Variants in WDR7 observed in about 807,000 individuals in gnomAD.
WDR7 encodes WD repeat domain 7, also known as WD repeat-containing protein 7.
WDR7 carries 46 observed loss-of-function variants against 169.4 expected under a neutral mutation model. The ratio of observed to expected loss-of-function variants is 0.27; its 90% CI spans 0.21 to 0.35. WDR7 has a LOEUF of 0.35. Among genes scored for constraint, WDR7 ranks in the 10% least tolerant of loss-of-function variants. The probability of loss-of-function intolerance (pLI) is 1.00; values close to 1 mark genes in which losing one functional copy is unlikely to be tolerated. For missense variants in WDR7, 1,534 were observed against 1,859.3 expected (o/e 0.83, Z 3.22); for synonymous variants, 612 against 666.8 (o/e 0.92, Z 1.27).
intron 12 of WDR7, among the ~76,000 whole-genome samples, chr18:56,710,217 A>T (rs1365742947): frequency 6.6e-6 from 1 of 151,944 alleles, no homozygotes; most frequent in Non-Finnish European, 1.5e-5. Flanking sequence ...GTTAGCCAGG[A>T]TGGTCTTGAT....
At chr18:56,853,266 G>A (rs1369100556) in intron 20 of WDR7, among the ~76,000 whole-genome samples, 1 of 152,052 alleles carries the variant, frequency 6.6e-6, no homozygotes, top group Non-Finnish European at 1.5e-5. Flanking sequence ...TTCTTATAGG[G>A]AATTTTATAG....
chr18:56,691,206 T>C lies in WDR7; in HGVS notation c.718-10T>C, dbSNP rs373897938. 1 of 1,601,826 alleles carries C rather than the reference T, an allele frequency of 6.2e-7. No individual in the cohort carries two copies. The highest frequency in any genetic ancestry group is 1.4e-5 in the African/African-American group (1 of 73,868). ...ATGGAGTAGATTGTGAATTTCTTTC[T>C]TCCTTGCAGGTGTTCGATGCCGGAG... is the stretch of plus-strand genomic sequence containing the variant. On this transcript the variant is annotated splice_polypyrimidine_tract_variant and intron_variant, in intron 7 of 27. Coordinates refer to ENST00000254442, the MANE Select transcript of WDR7 (RefSeq NM_015285.3).
intron 21 of WDR7, among the ~76,000 whole-genome samples, chr18:56,890,481 C>T (rs959119747): frequency 1.3e-5 from 2 of 152,042 alleles, no homozygotes; most frequent in African/African-American, 4.8e-5. Flanking sequence ...AGCAAGCTTA[C>T]GACAATGCCA....
intron 25 of WDR7, among the ~76,000 whole-genome samples, chr18:56,954,223 A>C (rs541859714): frequency 6.6e-6 from 1 of 152,368 alleles, no homozygotes; most frequent in South Asian, 2.1e-4. Flanking sequence ...TTAACTGATT[A>C]ACTTTTAGTT....
intron 26 of WDR7, among the ~76,000 whole-genome samples, chr18:56,978,137 T>C (rs1004704938): frequency 6.6e-6 from 1 of 152,226 alleles, no homozygotes; most frequent in African/African-American, 2.4e-5. Flanking sequence ...AATACAGGCA[T>C]GTGGACTGTC....
intron 19 of WDR7, 132 bp downstream of exon 19, chr18:56,781,788 T>C (rs1381899038): frequency 8.9e-6 from 9 of 1,010,626 alleles, no homozygotes; most frequent in Non-Finnish European, 1.2e-5. Flanking sequence ...GAACAGATCC[T>C]CAAATTCACT....
chr18:56,781,641 G>C lies in WDR7; in HGVS notation c.3175G>C (p.Asp1059His), dbSNP rs145727001. The change falls in exon 19 of 28, where the codon GAC becomes CAC. Residue 1059 changes from aspartate (D) to histidine (H), a missense_variant. Coordinates refer to ENST00000254442, the MANE Select transcript of WDR7 (RefSeq NM_015285.3). ...AWAPYLPQYI[D>H]HVISPGVTSE... ...GGCTCCTTACTTACCTCAGTACATA[G>C]ACCACGTCATATCACGTAAGAGTTC... 138 of 1,604,356 alleles carry C rather than the reference G, an allele frequency of 8.6e-5. No homozygotes were observed. The highest frequency in any genetic ancestry group is 1.0e-4 in the Non-Finnish European group (122 of 1,175,386).
intron 26 of WDR7, among the ~76,000 whole-genome samples, chr18:56,968,610 A>G (rs76942320): frequency 0.042 from 6,369 of 152,292 alleles, 443 homozygotes; most frequent in African/African-American, 0.14. Flanking sequence ...TGGTATCTAC[A>G]GCACTATGGC....
chr18:56,900,082 G>GTATATATATATATATATA (rs1191116351), intron 21 of WDR7, among the ~76,000 whole-genome samples: 2 of 32,048 alleles, frequency 6.2e-5, no homozygotes, highest in African/African-American at 1.2e-4. Flanking sequence ...GTGTGTGTGT[G>GTATATATATATATATATA]TATATATATA....
rs74182165 is a variant in WDR7, at chr18:56,987,285, CAAAAAA to C, written c.4164+24777_4164+24782del. ...AAAGGTTAAGCCTTATCATCTGTACCAAAAAAAAAAAAAAAAAAAAAAAAAAGGTGA... is the reference window on the plus strand; with the variant it reads ...AAAGGTTAAGCCTTATCATCTGTACCAAAAAAAAAAAAAAAAAAAAGGTGA... On this transcript the variant is annotated intron_variant, in intron 26 of 27. Transcript: ENST00000254442. 5.8e-3 allele frequency among the ~76,000 whole-genome samples: 437 copies of C among 75,270 alleles called. 2 individuals are homozygous for C. Among genetic ancestry groups the C allele is most frequent in the Non-Finnish European group, 8.8e-3 (353 of 39,910 alleles). The allele number at this position is 75,270 out of a possible 152,430, so 49.4% of individuals were successfully genotyped here.
At chr18:56,952,216 C>T (rs1195533901) in intron 25 of WDR7, among the ~76,000 whole-genome samples, 4 of 152,176 alleles carry the variant, frequency 2.6e-5, no homozygotes, top group Admixed American at 1.3e-4. Flanking sequence ...GGTGAGACAG[C>T]GAATTCCAGG....
intron 21 of WDR7, among the ~76,000 whole-genome samples, chr18:56,890,660 T>C (rs1363572025): frequency 6.6e-6 from 1 of 152,166 alleles, no homozygotes; most frequent in East Asian, 1.9e-4. Flanking sequence ...GCCATAGAGA[T>C]TGCATTTCTG....
At chr18:56,947,205 G>A (rs1281225202) in intron 25 of WDR7, among the ~76,000 whole-genome samples, 1 of 152,108 alleles carries the variant, frequency 6.6e-6, no homozygotes, top group Non-Finnish European at 1.5e-5. Context: ...AAACGTATTA[G>A]CCACAAGACT....
At chr18:56,785,272 T>C (rs1003583198) in intron 19 of WDR7, among the ~76,000 whole-genome samples, 1 of 152,224 alleles carries the variant, frequency 6.6e-6, no homozygotes, top group Non-Finnish European at 1.5e-5. Flanking sequence ...ACCATTGTCA[T>C]TAATGTTTGA....
At chr18:56,811,545 A>G (rs1415227056) in intron 19 of WDR7, among the ~76,000 whole-genome samples, 1 of 152,136 alleles carries the variant, frequency 6.6e-6, no homozygotes, top group Admixed American at 6.6e-5. Context: ...TGCTTTTGGT[A>G]TCAAGTCTAA....
chr18:57,021,293 T>C (rs1242347381), intron 27 of WDR7, among the ~76,000 whole-genome samples: 2 of 152,082 alleles, frequency 1.3e-5, no homozygotes, highest in Non-Finnish European at 2.9e-5. Flanking sequence ...GGCCGGCATG[T>C]TTGAGGGCCT....
chr18:56,849,376 T>C (rs2045610933), intron 20 of WDR7, among the ~76,000 whole-genome samples: 1 of 152,226 alleles, frequency 6.6e-6, no homozygotes, highest in Non-Finnish European at 1.5e-5. Context: ...CTTGTAGTGA[T>C]TTCTCTTTTG....
At chr18:56,725,056 T>A (rs1292261452) in intron 13 of WDR7, among the ~76,000 whole-genome samples, 1 of 151,286 alleles carries the variant, frequency 6.6e-6, no homozygotes, top group Non-Finnish European at 1.5e-5. Context: ...TCTATCATTG[T>A]TGGACATTTG....
intron 19 of WDR7, among the ~76,000 whole-genome samples, chr18:56,800,757 T>C (rs1400300656): frequency 2.0e-5 from 3 of 152,244 alleles, no homozygotes; most frequent in Non-Finnish European, 4.4e-5. Context: ...CAGTTTGATA[T>C]GGCCTCATCT....
Sources: allele counts gnomAD v4.1 joint callset (sites outside exome capture counted in the v4.1 genomes callset), GRCh38; gene constraint gnomAD v4.1.1; transcripts MANE v1.5; gene names NCBI Gene and HGNC (gene_info 2026-07-23, HGNC 2026-07-21).